The following MACF1 variants were observed in gnomAD, a reference collection of about 807,000 sequenced individuals.
The protein encoded by MACF1 is microtubule-actin cross-linking factor 1.
Under a neutral mutation model 854.8 loss-of-function variants are expected in MACF1, and 193 were observed. The ratio of observed to expected loss-of-function variants is 0.23; its 90% confidence interval spans 0.20 to 0.25. The LOEUF is 0.25. Among genes scored for constraint, MACF1 ranks in the 10% least tolerant of loss-of-function variants. MACF1 has a pLI of 1.00. For synonymous variants in MACF1, 3,185 were observed against 3,226.7 expected (o/e 0.99, Z 0.44); for missense variants, 7,722 against 8,929.1 (o/e 0.86, Z 5.45).
chr1:39,342,265 T>C (rs1344780753), intron 40 of MACF1, among the ~76,000 whole-genome samples: 1 of 152,188 alleles, frequency 6.6e-6, no homozygotes, highest in African/African-American at 2.4e-5. Flanking sequence ...TTCCATAAAA[T>C]GTGGTGTCCA....
At chr1:39,133,394 T>C (rs998067988) in intron 2 of MACF1, among the ~76,000 whole-genome samples, 1 of 152,150 alleles carries the variant, frequency 6.6e-6, no homozygotes, top group Non-Finnish European at 1.5e-5. Context: ...GTGATCCCTT[T>C]TGTTTGTAGT....
In MACF1 at chr1:39,393,788, C is replaced by T. The variant is rs1642152168; in HGVS notation, c.15816+5130C>T. Among the ~76,000 whole-genome samples, 3 of 132,166 alleles carry T rather than the reference C, an allele frequency of 2.3e-5. No individual in the cohort carries two copies. In the South Asian group the frequency reaches 6.9e-4, roughly 30 times the overall value. The allele number at this position is 132,166 out of a possible 152,430, so 86.7% of individuals were successfully genotyped here. ...CATGCCACCGCAGTCCAGCGTGTAACAGAGTGAGACCCTGTCTCAAAAAAA... is the reference window on the plus strand; with the variant it reads ...CATGCCACCGCAGTCCAGCGTGTAATAGAGTGAGACCCTGTCTCAAAAAAA... On this transcript the variant is annotated intron_variant, in intron 58 of 100. Transcript: ENST00000564288.
chr1:39,357,909 CTGGCATCCTTGGTGAAACAATCA>C lies in MACF1; in HGVS notation c.11943+22_11943+44del. The C allele has an allele frequency of 1.9e-6, 3 of 1,589,826 alleles. No homozygotes were observed. The highest frequency in any genetic ancestry group is 2.6e-6 in the Non-Finnish European group (3 of 1,169,134). Reference sequence around the variant, plus strand: ...CCACTCAAAGGTAAGGGGGCAGTTCCTGGCATCCTTGGTGAAACAATCATGGCAGCCTTCACACAATGTAGGTA... The same window carrying C: ...CCACTCAAAGGTAAGGGGGCAGTTCCTGGCAGCCTTCACACAATGTAGGTA... On this transcript the variant is annotated intron_variant, in intron 45 of 100. Transcript: ENST00000564288.
chr1:39,447,404 G>T (rs1474825347), intron 80 of MACF1, 28 bp from the exon 81 acceptor site: 1 of 1,546,330 alleles, frequency 6.5e-7, no homozygotes, highest in Non-Finnish European at 8.9e-7. Context: ...TTTTCTTTCT[G>T]TGTGTGTGTG....
intron 2 of MACF1, among the ~76,000 whole-genome samples, chr1:39,143,385 T>C (rs1168487088): frequency 1.3e-5 from 2 of 152,164 alleles, no homozygotes; most frequent in Admixed American, 6.5e-5. Context: ...TTGGAGAGGA[T>C]TGGAATCTCT....
chr1:39,258,699 C>G (rs1557548279), intron 6 of MACF1, among the ~76,000 whole-genome samples: 1 of 152,196 alleles, frequency 6.6e-6, no homozygotes, highest in Non-Finnish European at 1.5e-5. Context: ...AGCTATTTCT[C>G]AGACAGCTCT....
In MACF1 at chr1:39,300,255, C is replaced by G; in HGVS notation, c.2527C>G (p.Leu843Val). 6.2e-7 allele frequency: 1 copy of G among 1,614,034 alleles called. No individual in the cohort carries two copies. Among genetic ancestry groups the G allele is most frequent in the Non-Finnish European group, 8.5e-7 (1 of 1,180,014 alleles). The change falls in exon 22 of 101, where the codon CTC becomes GTC. Residue 843 changes from leucine to valine, a missense_variant. Leu to Val is a conservative substitution (Grantham distance 32, BLOSUM62 1). Coordinates refer to ENST00000564288, the MANE Select transcript of MACF1 (RefSeq NM_001394062.1). ...ACAGTCCAAGAGTTCCGTTGCCAGTCTCGTTGGGAGATCAAAAACCATCGT... is the reference window on the plus strand; with the variant it reads ...ACAGTCCAAGAGTTCCGTTGCCAGTGTCGTTGGGAGATCAAAAACCATCGT... The part of the protein sequence containing the change: ...LIQSKSSVAS[L>V]VGRSKTIVQL...
chr1:39,329,734 AATAATT>A (rs1376471848), intron 36 of MACF1, among the ~76,000 whole-genome samples: 1 of 152,230 alleles, frequency 6.6e-6, no homozygotes, highest in Non-Finnish European at 1.5e-5. Context: ...TAAACACTTA[AATAATT>A]TAAAATCTGA....
intron 49 of MACF1, among the ~76,000 whole-genome samples, chr1:39,363,686 T>C (rs1648412605): frequency 6.6e-6 from 1 of 151,694 alleles, no homozygotes; most frequent in Admixed American, 6.6e-5. Flanking sequence ...CTTGGCTCAC[T>C]GTAACCTCAA....
At chr1:39,316,346 C>T in intron 27 of MACF1, 45 bp from the exon 28 acceptor site, 3 of 1,546,936 alleles carry the variant, frequency 1.9e-6, no homozygotes, top group South Asian at 2.5e-5. Flanking sequence ...ACCCTGGCTC[C>T]TAAAATTCAT....
chr1:39,102,193 A>AGAG (rs1553130573), intron 2 of MACF1, among the ~76,000 whole-genome samples: 3 of 148,196 alleles, frequency 2.0e-5, no homozygotes, highest in East Asian at 4.0e-4. Context: ...AAGAAAAAGA[A>AGAG]AGAGAGAGAG....
At position 39,455,035 on chromosome 1, in the gene MACF1, C is replaced by A; in HGVS notation, c.21013C>A (p.Arg7005=). Residue 7005 remains arginine (R), a synonymous_variant, in exon 89 of 101, where the codon CGG becomes AGG. Transcript: ENST00000564288. The stretch of plus-strand genomic sequence containing the variant: ...GTGGGCTGAGACCACCCTCATTCAG[C>A]GGGATCAGGAGCCAATCCCGCAGAA... ...IQWAETTLIQ[R]DQEPIPQNID... The A allele has an allele frequency of 6.2e-7, 1 of 1,614,054 alleles. No individual in the cohort carries two copies.
Position 39,285,808 on chromosome 1 carries a change from C to T in MACF1, c.1508+50C>T, listed in dbSNP as rs1337051376. 4 of 1,597,336 alleles carry T rather than the reference C, an allele frequency of 2.5e-6. No homozygotes were observed. The Admixed American group carries it at 5.1e-5, about 20-fold the overall frequency. On this transcript the variant is annotated intron_variant, in intron 14 of 100. Transcript: ENST00000564288. ...AGGGCTTGCTTGCTTACTGCTGAGG[C>T]TCATGGATCAAGAGTAGAGCAAGAG... is the stretch of plus-strand genomic sequence containing the variant.
intron 54 of MACF1, 121 bp downstream of exon 54, chr1:39,379,565 C>A: frequency 9.1e-7 from 1 of 1,100,044 alleles, no homozygotes; most frequent in Non-Finnish European, 1.3e-6. Flanking sequence ...CTGTGATGGG[C>A]AGTATGTTTG....
Position 39,451,314 on chromosome 1 carries a change from G to A in MACF1, c.20418+103G>A, listed in dbSNP as rs879093660. ...TGCCTCTGCCCTTCTTTCTAGGGGA[G>A]AAAGAGAGCCTGACAGTTGCTTTGT... On this transcript the variant is annotated intron_variant, in intron 85 of 100. Transcript: ENST00000564288. 23 of 1,176,160 alleles carry A rather than the reference G, an allele frequency of 2.0e-5. 1 individual carries two copies. In the South Asian group the frequency reaches 4.4e-4, roughly 23 times the overall value. The allele number at this position is 1,176,160 out of a possible 1,614,324, so 72.9% of individuals were successfully genotyped here.
In MACF1 at chr1:39,447,864, G is replaced by T; in HGVS notation, c.19934G>T (p.Arg6645Leu). ...GTCCAGCGATCTATTGAAAGAGGGC[G>T]ATCACTAGATGATGCCAGGAAGCGG... ...KVVQRSIERGRSLDDARKRAK... is the reference protein window; with the variant it reads ...KVVQRSIERGLSLDDARKRAK... The change falls in exon 82 of 101, where the codon CGA (arginine) becomes CTA (leucine). Residue 6645 changes from arginine to leucine, a missense_variant. Around this residue, in one of 15 missense-constraint regions of MACF1, gnomAD observed 729 missense variants for 900.5 expected, o/e 0.81. Coordinates refer to ENST00000564288, the MANE Select transcript of MACF1 (RefSeq NM_001394062.1). 6.2e-7 allele frequency: 1 copy of T among 1,614,028 alleles called. No individual in the cohort carries two copies. Among genetic ancestry groups the T allele is most frequent in the East Asian group, 2.2e-5 (1 of 44,878 alleles).
At chr1:39,254,904 C>T (rs1645080612) in intron 5 of MACF1, among the ~76,000 whole-genome samples, 2 of 151,938 alleles carry the variant, frequency 1.3e-5, no homozygotes, top group Admixed American at 6.6e-5. Flanking sequence ...GAAGCTTTTC[C>T]TTCCCTGGAT....
In MACF1 at chr1:39,368,227, G is replaced by C; in HGVS notation, c.12851G>C (p.Gly4284Ala). Residue 4284 changes from glycine to alanine, a missense_variant, in exon 50 of 101, where the codon GGC (glycine) becomes GCC (alanine). This residue lies in a region of MACF1 where 2,807 missense variants were observed against 3,235.8 expected (regional missense o/e 0.87). Transcript: ENST00000564288. ...EHLVTELSSC[G>A]FALDLCQHQD... ...CTGGTCACTGAACTGAGCTCTTGTG[G>C]CTTTGCGCTGGACTTGTGCCAGCAT... is the stretch of plus-strand genomic sequence containing the variant. 6.2e-7 allele frequency: 1 copy of C among 1,614,140 alleles called. No homozygotes were observed. The highest frequency in any genetic ancestry group is 8.5e-7 in the Non-Finnish European group (1 of 1,180,014).
chr1:39,185,575 A>G (rs2148239189), intron 2 of MACF1, among the ~76,000 whole-genome samples: 1 of 152,208 alleles, frequency 6.6e-6, no homozygotes, highest in East Asian at 1.9e-4. Context: ...AAAAAACAAC[A>G]ACTATAATTT....
Sources: gnomAD v4.1 joint callset for allele counts (sites outside exome capture counted in the v4.1 genomes callset) on GRCh38, gnomAD v4.1.1 for gene constraint, gnomAD v4.1.1 regional missense constraint, MANE v1.5 for transcripts, NCBI Gene and HGNC (gene_info 2026-07-23, HGNC 2026-07-21) for gene names.